The following RARB variants were observed in gnomAD, a reference collection of about 807,000 sequenced individuals.
The protein encoded by RARB is retinoic acid receptor beta, also known as HBV-activated protein.
In RARB, 17 loss-of-function variants were observed where a neutral mutation model predicts 51.9. That is an observed-to-expected ratio of 0.33 (90% CI 0.22 to 0.49). The LOEUF is 0.49. Ranked by LOEUF, RARB falls within the 20% of genes least tolerant of loss-of-function variation. RARB has a pLI of 0.99. For missense variants in RARB, 369 were observed against 550.8 expected (o/e 0.67, Z 3.30); for synonymous variants, 215 against 195.4 (o/e 1.10, Z -0.84).
intron 5 of RARB, among the ~76,000 whole-genome samples, chr3:25,244,866 T>C (rs1304896227): frequency 1.3e-5 from 2 of 152,200 alleles, no homozygotes; most frequent in African/African-American, 4.8e-5. Flanking sequence ...CCAAATATCC[T>C]TGTTAATTTT....
chr3:25,250,670 G>T lies in RARB; in HGVS notation c.178+76095G>T, dbSNP rs569625817. On this transcript the variant is annotated intron_variant, in intron 5 of 11. Coordinates refer to the RARB transcript ENST00000383772. ...TCAGAAATGTGGAGATGAAGAGGCT[G>T]TTGGACCCCAGGGTAGGATGCAGTC... Among the ~76,000 whole-genome samples, 6 of 152,260 alleles carry T rather than the reference G, an allele frequency of 3.9e-5. No homozygotes were observed. In the East Asian group the frequency reaches 1.2e-3, roughly 29 times the overall value.
At chr3:25,073,012 T>C (rs1698801103) in intron 3 of RARB, among the ~76,000 whole-genome samples, 1 of 152,200 alleles carries the variant, frequency 6.6e-6, no homozygotes, top group Non-Finnish European at 1.5e-5. Context: ...GGTTTCATTT[T>C]ACACTGACCT....
intron 5 of RARB, among the ~76,000 whole-genome samples, chr3:25,383,655 C>G (rs973109798): frequency 6.6e-6 from 1 of 152,102 alleles, no homozygotes; most frequent in Non-Finnish European, 1.5e-5. Flanking sequence ...TGGCTGGGCA[C>G]GGTGGCTCAC....
intron 5 of RARB, among the ~76,000 whole-genome samples, chr3:25,329,577 A>C (rs904120660): frequency 6.6e-6 from 1 of 152,214 alleles, no homozygotes; most frequent in African/African-American, 2.4e-5. Flanking sequence ...AGAAAAGCTG[A>C]AAATTCTAAA....
chr3:24,918,284 A>G (rs1420611933), intron 2 of RARB, among the ~76,000 whole-genome samples: 3 of 152,172 alleles, frequency 2.0e-5, no homozygotes, highest in African/African-American at 7.2e-5. Flanking sequence ...CTTCAAAAAC[A>G]TTTTCTAACT....
intron 5 of RARB, among the ~76,000 whole-genome samples, chr3:25,203,607 G>A (rs1701453114): frequency 6.6e-6 from 1 of 152,162 alleles, no homozygotes; most frequent in Non-Finnish European, 1.5e-5. Context: ...TCCTTCAGGA[G>A]CTCTTGTAGG....
chr3:25,520,518 C>G lies in RARB; in HGVS notation c.448+19195C>G, dbSNP rs78755286. Among the ~76,000 whole-genome samples, 236 of 152,254 alleles carry G rather than the reference C, an allele frequency of 1.6e-3. 4 individuals are homozygous for G. The East Asian group carries it at 0.032, about 21-fold the overall frequency. On this transcript the variant is annotated intron_variant, in intron 3 of 7. Transcript: ENST00000330688. ...CTATGAAGTTATATCCTTTTAAAAG[C>G]ACATATAGATGAGAATTTAAACATC...
At chr3:24,984,670 TA>T (rs1156635675) in intron 2 of RARB, among the ~76,000 whole-genome samples, 2 of 152,210 alleles carry the variant, frequency 1.3e-5, no homozygotes, top group African/African-American at 4.8e-5. Flanking sequence ...TCTAGAACTC[TA>T]ATGTACAGTG....
chr3:25,354,128 C>T (rs1705659380), intron 5 of RARB, among the ~76,000 whole-genome samples: 1 of 142,370 alleles, frequency 7.0e-6, no homozygotes, highest in Non-Finnish European at 1.5e-5. Context: ...AACATAGTTT[C>T]CTTTCCCAGA....
intron 2 of RARB, among the ~76,000 whole-genome samples, chr3:24,935,674 T>C (rs1391702811): frequency 3.3e-5 from 5 of 152,218 alleles, no homozygotes; most frequent in Non-Finnish European, 7.4e-5. Flanking sequence ...AGACGACTTA[T>C]GATGGGAAAT....
chr3:25,382,598 G>A (rs762447983), intron 5 of RARB, among the ~76,000 whole-genome samples: 16 of 152,244 alleles, frequency 1.1e-4, no homozygotes, highest in Non-Finnish European at 1.9e-4. Context: ...GCTCCTGCCT[G>A]TAATCCCAGC....
At chr3:25,198,966 G>T (rs773756366) in intron 5 of RARB, among the ~76,000 whole-genome samples, 1 of 151,812 alleles carries the variant, frequency 6.6e-6, no homozygotes, top group African/African-American at 2.4e-5. Flanking sequence ...AAAGGAAATC[G>T]GTATATTGAA....
chr3:25,038,576 G>T (rs1698050066), intron 2 of RARB, among the ~76,000 whole-genome samples: 2 of 152,008 alleles, frequency 1.3e-5, no homozygotes, highest in Non-Finnish European at 1.5e-5. Context: ...CAAGAAAGTG[G>T]CAAATTGCCC....
At chr3:24,894,988 C>A (rs1703449799) in intron 2 of RARB, among the ~76,000 whole-genome samples, 1 of 152,044 alleles carries the variant, frequency 6.6e-6, no homozygotes, top group African/African-American at 2.4e-5. Context: ...TTTGCTTTAG[C>A]CAGGGAGATG....
chr3:24,949,277 C>T (rs1387286767), intron 2 of RARB, among the ~76,000 whole-genome samples: 1 of 152,196 alleles, frequency 6.6e-6, no homozygotes, highest in Non-Finnish European at 1.5e-5. Context: ...GTAACAGAAA[C>T]ACATATCTTT....
intron 2 of RARB, among the ~76,000 whole-genome samples, chr3:24,971,608 G>A (rs182163043): frequency 1.3e-5 from 2 of 152,128 alleles, no homozygotes; most frequent in East Asian, 1.9e-4. Context: ...AGAGACATTG[G>A]TAGCCTTCTA....
intron 5 of RARB, among the ~76,000 whole-genome samples, chr3:25,246,759 C>A (rs930230873): frequency 2.6e-4 from 39 of 152,162 alleles, no homozygotes; most frequent in Non-Finnish European, 1.0e-4. Context: ...GTCTGTTGAA[C>A]CCTGCTGGGA....
At chr3:25,484,248 C>T (rs894241452) in intron 2 of RARB, among the ~76,000 whole-genome samples, 1 of 152,072 alleles carries the variant, frequency 6.6e-6, no homozygotes. Context: ...TGTCTTTTTC[C>T]TACCACCCTT....
chr3:25,050,717 C>A (rs923095479), intron 2 of RARB, among the ~76,000 whole-genome samples: 10 of 152,134 alleles, frequency 6.6e-5, no homozygotes, highest in African/African-American at 2.4e-4. Context: ...AGATTTAACT[C>A]TTTCATGTCA....
Sources: allele counts gnomAD v4.1 joint callset (sites outside exome capture counted in the v4.1 genomes callset), GRCh38; gene constraint gnomAD v4.1.1; transcripts MANE v1.5; gene names NCBI Gene and HGNC (gene_info 2026-07-23, HGNC 2026-07-21).